Variants in TRIOBP observed in about 807,000 individuals in gnomAD.
TRIOBP encodes TRIO and F-actin binding protein, also known as TRIO and F-actin-binding protein.
In TRIOBP, 169 loss-of-function variants were observed where a neutral mutation model predicts 238.8. The ratio of observed to expected loss-of-function variants is 0.71; its 90% CI spans 0.62 to 0.80. TRIOBP has a LOEUF of 0.80. TRIOBP is among the 30% of genes least tolerant of loss of function. The pLI, the probability that TRIOBP is intolerant of heterozygous loss-of-function variation, is 0.00. For missense variants in TRIOBP, 2,838 were observed against 3,122.6 expected, an observed-to-expected ratio of 0.91 and a Z score of 2.17; for synonymous variants, 1,150 against 1,274.4, an observed-to-expected ratio of 0.90 and a Z score of 2.08.
intron 7 of TRIOBP, among the ~76,000 whole-genome samples, chr22:37,732,317 G>A (rs563033322): frequency 2.0e-5 from 3 of 152,152 alleles, no homozygotes; most frequent in Non-Finnish European, 2.9e-5. Context: ...CATCGGATGC[G>A]TCAACAATGC....
chr22:37,743,800 AAT>A (rs780296919), intron 11 of TRIOBP, among the ~76,000 whole-genome samples: 52 of 55,396 alleles, frequency 9.4e-4, no homozygotes, highest in Middle Eastern at 0.022. Flanking sequence ...AGAGAGAGAG[AAT>A]GTGTGTGTGT....
intron 11 of TRIOBP, among the ~76,000 whole-genome samples, chr22:37,743,271 A>G (rs1925030384): frequency 6.6e-6 from 1 of 152,252 alleles, no homozygotes; most frequent in African/African-American, 2.4e-5. Flanking sequence ...CCCAAGGCCA[A>G]GAGCCAGAAA....
chr22:37,710,340 C>G, intron 3 of TRIOBP, 87 bp from the exon 4 acceptor site: 2 of 1,581,122 alleles, frequency 1.3e-6, no homozygotes, highest in Non-Finnish European at 1.7e-6. Context: ...TGCCTGGAGA[C>G]TCCCACGCCA....
chr22:37,767,865 C>A (rs866010741), intron 18 of TRIOBP, among the ~76,000 whole-genome samples: 66 of 152,300 alleles, frequency 4.3e-4, no homozygotes, highest in African/African-American at 1.5e-3. Context: ...CCCCAAGCCA[C>A]TCAGTTTATG....
chr22:37,729,126 C>T (rs1367476823), intron 7 of TRIOBP, among the ~76,000 whole-genome samples: 1 of 152,092 alleles, frequency 6.6e-6, no homozygotes, highest in Non-Finnish European at 1.5e-5. Context: ...CCCTGTTGCC[C>T]AGGCTAGTCT....
intron 3 of TRIOBP, among the ~76,000 whole-genome samples, chr22:37,702,196 C>G (rs561556156): frequency 8.6e-5 from 13 of 151,972 alleles, no homozygotes; most frequent in African/African-American, 2.9e-4. Context: ...AGAGTGTTTT[C>G]TTTTTCTTTT....
In TRIOBP at chr22:37,723,509, A is replaced by G. The variant is rs1601630574; in HGVS notation, c.953A>G (p.Asp318Gly). Residue 318 changes from aspartate to glycine, a missense_variant, in exon 7 of 24, where the codon GAC becomes GGC. By Grantham distance (94) the Asp-to-Gly change is moderately conservative (BLOSUM62 -1). This residue lies in a region of TRIOBP where 535 missense variants were observed against 537.3 expected (regional missense o/e 1.00). Coordinates refer to ENST00000644935, the MANE Select transcript of TRIOBP (RefSeq NM_001039141.3). ...ETSRASSTQE[D>G]TPRASSTQED... The stretch of plus-strand genomic sequence containing the variant: ...TCCAGGGCCTCATCCACCCAAGAGG[A>G]CACCCCTAGGGCCTCATCCACCCAA... 6.2e-7 allele frequency: 1 copy of G among 1,613,260 alleles called. No individual in the cohort carries two copies. Among genetic ancestry groups the G allele is most frequent in the East Asian group, 2.2e-5 (1 of 44,838 alleles).
At chr22:37,729,169 C>G (rs1321044158) in intron 7 of TRIOBP, among the ~76,000 whole-genome samples, 2 of 151,942 alleles carry the variant, frequency 1.3e-5, no homozygotes, top group Non-Finnish European at 2.9e-5. Context: ...CTACCCACCT[C>G]GGCCTCCCAA....
intron 11 of TRIOBP, chr22:37,751,387 C>A (rs745495512): frequency 2.8e-6 from 1 of 357,068 alleles, no homozygotes; most frequent in African/African-American, 2.1e-5. Context: ...CTGGACAGTT[C>A]GCGCAGTGCT....
chr22:37,733,502 C>A, intron 8 of TRIOBP, 90 bp downstream of exon 8: 2 of 996,734 alleles, frequency 2.0e-6, no homozygotes, highest in Non-Finnish European at 3.1e-6. Flanking sequence ...GGGGCTTGGA[C>A]AGGAAGGTCC....
At chr22:37,733,724 G>A (rs543771490) in intron 8 of TRIOBP, among the ~76,000 whole-genome samples, 2 of 140,092 alleles carry the variant, frequency 1.4e-5, no homozygotes, top group South Asian at 4.6e-4. Flanking sequence ...AGGCTGGAGT[G>A]CAGTGGGACA....
At chr22:37,723,160 T>A in intron 6 of TRIOBP, 25 bp from the exon 7 acceptor site, 1 of 1,613,142 alleles carries the variant, frequency 6.2e-7, no homozygotes, top group East Asian at 2.2e-5. Context: ...TCCCCTTACC[T>A]TGAGCCCCTC....
rs781607122 is a variant in TRIOBP at position 37,723,395 on chromosome 22, C to G, written c.839C>G (p.Ser280Cys). Reference protein sequence around the residue: ...ASTREIPRASSPHRITQRDTS... With the variant: ...ASTREIPRASCPHRITQRDTS... ...ACACGTGAAATCCCCAGAGCCTCCTCTCCCCATCGAATCACCCAAAGGGAC... is the reference window on the plus strand; with the variant it reads ...ACACGTGAAATCCCCAGAGCCTCCTGTCCCCATCGAATCACCCAAAGGGAC... Residue 280 changes from serine to cysteine, a missense_variant, in exon 7 of 24, where the codon TCT becomes TGT. This residue lies in a region of TRIOBP where 535 missense variants were observed against 537.3 expected (regional missense o/e 1.00). Transcript: ENST00000644935. 41 of 1,613,956 alleles carry G rather than the reference C, an allele frequency of 2.5e-5. No homozygotes were observed. The highest frequency in any genetic ancestry group is 3.5e-5 in the Non-Finnish European group (41 of 1,179,998).
chr22:37,729,798 T>A (rs1316904060), intron 7 of TRIOBP, among the ~76,000 whole-genome samples: 1 of 152,234 alleles, frequency 6.6e-6, no homozygotes, highest in Non-Finnish European at 1.5e-5. Flanking sequence ...TTTCCTCTTA[T>A]CTGGCACCTT....
At chr22:37,748,482 C>T (rs942744281) in intron 11 of TRIOBP, among the ~76,000 whole-genome samples, 5 of 152,214 alleles carry the variant, frequency 3.3e-5, no homozygotes, top group Non-Finnish European at 5.9e-5. Context: ...TATATTTGGT[C>T]CCTTGTTTAC....
intron 3 of TRIOBP, among the ~76,000 whole-genome samples, chr22:37,704,730 G>A (rs1196518665): frequency 2.6e-5 from 4 of 151,766 alleles, no homozygotes; most frequent in African/African-American, 9.7e-5. Flanking sequence ...GAAATTGCAG[G>A]AAGAGGAGAG....
At chr22:37,771,496 T>C in intron 21 of TRIOBP, 154 bp from the exon 22 acceptor site, 1 of 677,822 alleles carries the variant, frequency 1.5e-6, no homozygotes, top group South Asian at 1.6e-5. Flanking sequence ...GAGGGCTTCC[T>C]GGAGGAGTCC....
Position 37,734,817 on chromosome 22 carries a change from GGGA to G in TRIOBP, c.4486_4488del (p.Glu1496del). The G allele has an allele frequency of 6.2e-7, 1 of 1,612,568 alleles. No homozygotes were observed. The highest frequency in any genetic ancestry group is 8.5e-7 in the Non-Finnish European group (1 of 1,179,872). Reference sequence around the variant, plus strand: ...GAGAGCTGGGGGCAGCCAGAGGCCTGGGAGGAGAAGCCCACTCATGAGCTCCCC... The same window carrying G: ...GAGAGCTGGGGGCAGCCAGAGGCCTGGGAGAAGCCCACTCATGAGCTCCCC... On this transcript the variant is annotated inframe_deletion, in exon 9 of 24. Transcript: ENST00000644935.
intron 10 of TRIOBP, among the ~76,000 whole-genome samples, chr22:37,740,436 G>A (rs1436300638): frequency 6.6e-6 from 1 of 152,234 alleles, no homozygotes; most frequent in African/African-American, 2.4e-5. Flanking sequence ...AGAAGGTGGG[G>A]GGGCACCGAG....
Sources: gnomAD v4.1 joint callset for allele counts (sites outside exome capture counted in the v4.1 genomes callset) on GRCh38, gnomAD v4.1.1 for gene constraint, gnomAD v4.1.1 regional missense constraint, MANE v1.5 for transcripts, NCBI Gene and HGNC (gene_info 2026-07-23, HGNC 2026-07-21) for gene names.